Variants in DYNC1I1 observed in about 807,000 individuals in gnomAD.
DYNC1I1 encodes the protein cytoplasmic dynein 1 intermediate chain 1.
A neutral mutation model predicts 86.6 loss-of-function variants in DYNC1I1; 43 were observed. The observed-to-expected ratio is 0.50, with a 90% CI of 0.39 to 0.64. The LOEUF is 0.64. Ranked by LOEUF, DYNC1I1 falls within the 30% of genes least tolerant of loss-of-function variation. The pLI is 0.00. For synonymous variants in DYNC1I1, 262 were observed against 283.7 expected, an observed-to-expected ratio of 0.92 and a Z score of 0.77; for missense variants, 604 against 788.8, an observed-to-expected ratio of 0.77 and a Z score of 2.81.
At chr7:95,903,207 C>T (rs1791085485) in intron 6 of DYNC1I1, among the ~76,000 whole-genome samples, 1 of 152,130 alleles carries the variant, frequency 6.6e-6, no homozygotes, top group African/African-American at 2.4e-5. Flanking sequence ...GTAGTAAGTA[C>T]CGTATATTGA....
chr7:95,947,341 G>A (rs1201021268), intron 6 of DYNC1I1, among the ~76,000 whole-genome samples: 1 of 152,152 alleles, frequency 6.6e-6, no homozygotes, highest in Non-Finnish European at 1.5e-5. Context: ...TGACAGCAAT[G>A]TGCCTTTTGA....
intron 6 of DYNC1I1, among the ~76,000 whole-genome samples, chr7:95,874,955 G>A (rs116296779): frequency 1.8e-4 from 27 of 152,278 alleles, no homozygotes; most frequent in African/African-American, 6.0e-4. Context: ...CCTGACTTCC[G>A]GTCACTGGAT....
intron 14 of DYNC1I1, among the ~76,000 whole-genome samples, chr7:96,053,019 C>T (rs1001385120): frequency 1.3e-5 from 2 of 152,096 alleles, no homozygotes; most frequent in African/African-American, 2.4e-5. Flanking sequence ...CAGAGTAACC[C>T]CTGGATACAT....
At chr7:95,979,566 A>T (rs1191557076) in intron 7 of DYNC1I1, among the ~76,000 whole-genome samples, 1 of 152,042 alleles carries the variant, frequency 6.6e-6, no homozygotes, top group Non-Finnish European at 1.5e-5. Flanking sequence ...AAATGAGAAC[A>T]TGGTTACAGG....
chr7:95,813,895 T>C (rs1416702683), intron 4 of DYNC1I1, among the ~76,000 whole-genome samples: 1 of 152,192 alleles, frequency 6.6e-6, no homozygotes, highest in Non-Finnish European at 1.5e-5. Flanking sequence ...AAATTTGTAT[T>C]ACACTATGTA....
intron 5 of DYNC1I1, among the ~76,000 whole-genome samples, chr7:95,829,731 G>A (rs1381106363): frequency 6.6e-6 from 1 of 152,134 alleles, no homozygotes; most frequent in Non-Finnish European, 1.5e-5. Flanking sequence ...TAGGGATATA[G>A]CATATCTGTG....
In DYNC1I1 at chr7:96,057,786, T is replaced by C. The variant is rs10231364; in HGVS notation, c.1510-18271T>C. Among the ~76,000 whole-genome samples the C allele has an allele frequency of 7.0e-3, 1,069 of 152,324 alleles. 9 individuals are homozygous for C. Among genetic ancestry groups the C allele is most frequent in the African/African-American group, 0.024 (1,008 of 41,574 alleles). ...TAAATGATTAATGTGTCATATAGGC[T>C]GATTGTCTTATTGACCAATTACATA... On this transcript the variant is annotated intron_variant, in intron 14 of 16. Coordinates refer to ENST00000447467, the MANE Select transcript of DYNC1I1 (RefSeq NM_001135556.2).
chr7:95,876,476 G>C (rs1411293020), intron 6 of DYNC1I1, among the ~76,000 whole-genome samples: 1 of 152,138 alleles, frequency 6.6e-6, no homozygotes, highest in African/African-American at 2.4e-5. Flanking sequence ...TGAGATGGAA[G>C]CTGAGTTTTA....
intron 4 of DYNC1I1, among the ~76,000 whole-genome samples, chr7:95,816,032 T>G (rs1324448324): frequency 2.0e-5 from 3 of 152,054 alleles, no homozygotes; most frequent in Admixed American, 1.3e-4. Context: ...TTTTTTTAAT[T>G]TTAAAGAGAC....
At chr7:95,844,844 C>A (rs748827990) in intron 5 of DYNC1I1, among the ~76,000 whole-genome samples, 1 of 152,036 alleles carries the variant, frequency 6.6e-6, no homozygotes, top group Non-Finnish European at 1.5e-5. Flanking sequence ...CTTGTGACCT[C>A]CAGAATAATG....
downstream of DYNC1I1, among the ~76,000 whole-genome samples, chr7:96,099,070 A>AAATGTTTAAACCTATTC (rs1584321021): frequency 6.6e-6 from 1 of 152,246 alleles, no homozygotes; most frequent in East Asian, 1.9e-4. Context: ...TATCTGGAAT[A>AAATGTTTAAACCTATTC]GGTTTAAAAG....
chr7:95,993,670 C>T (rs1027036198), intron 9 of DYNC1I1, among the ~76,000 whole-genome samples: 4 of 152,210 alleles, frequency 2.6e-5, no homozygotes, highest in East Asian at 3.9e-4. Context: ...TGTCACTGTA[C>T]GCTTATACTT....
intron 6 of DYNC1I1, among the ~76,000 whole-genome samples, chr7:95,930,850 G>A (rs1401067222): frequency 6.6e-6 from 1 of 152,178 alleles, no homozygotes; most frequent in African/African-American, 2.4e-5. Context: ...GGAGAGGTTG[G>A]TTGCTCCATA....
rs1789750673 is a variant in DYNC1I1 at position 96,061,066 on chromosome 7, G to A, written c.1510-14991G>A. ...GGCAAGATCAGACCCTTTGCGAGGA[G>A]AGAGAATAGTACATTCTCTAAGAGC... On this transcript the variant is annotated intron_variant, in intron 14 of 16. Coordinates refer to ENST00000447467, the MANE Select transcript of DYNC1I1 (RefSeq NM_001135556.2). 2.6e-5 allele frequency among the ~76,000 whole-genome samples: 4 copies of A among 152,312 alleles called. No individual in the cohort carries two copies. The South Asian group carries it at 8.3e-4, about 32-fold the overall frequency.
intron 6 of DYNC1I1, among the ~76,000 whole-genome samples, chr7:95,901,231 G>A (rs994965170): frequency 6.6e-6 from 1 of 152,178 alleles, no homozygotes; most frequent in Non-Finnish European, 1.5e-5. Flanking sequence ...TGCCCAGTTA[G>A]GTTGGAGCAC....
chr7:96,034,142 T>A (rs922166765), intron 12 of DYNC1I1, among the ~76,000 whole-genome samples: 20 of 152,266 alleles, frequency 1.3e-4, no homozygotes, highest in South Asian at 4.1e-4. Flanking sequence ...TACGTTTTTT[T>A]AAAATAATTT....
intron 14 of DYNC1I1, among the ~76,000 whole-genome samples, chr7:96,058,238 G>C (rs1789645930): frequency 6.6e-6 from 1 of 152,128 alleles, no homozygotes; most frequent in Non-Finnish European, 1.5e-5. Context: ...CATTAAACCA[G>C]CATTCATGGA....
At chr7:95,829,379 C>A (rs939421133) in intron 5 of DYNC1I1, among the ~76,000 whole-genome samples, 2 of 152,070 alleles carry the variant, frequency 1.3e-5, no homozygotes, top group Non-Finnish European at 2.9e-5. Flanking sequence ...TTACTAAATT[C>A]TTGGCTATTT....
intron 14 of DYNC1I1, among the ~76,000 whole-genome samples, chr7:96,072,833 C>T (rs946346368): frequency 6.6e-6 from 1 of 152,040 alleles, no homozygotes; most frequent in African/African-American, 2.4e-5. Context: ...TTTACCAGTT[C>T]TAATACTTTA....
Sources: gnomAD v4.1 joint callset for allele counts (sites outside exome capture counted in the v4.1 genomes callset) on GRCh38, gnomAD v4.1.1 for gene constraint, MANE v1.5 for transcripts, NCBI Gene and HGNC (gene_info 2026-07-23, HGNC 2026-07-21) for gene names.